Variants in TSPEAR observed in about 807,000 individuals in gnomAD.
The protein encoded by TSPEAR is thrombospondin type laminin G domain and EAR repeats.
A neutral mutation model predicts 71.6 loss-of-function variants in TSPEAR; 69 were observed. The ratio of observed to expected loss-of-function variants is 0.96; its 90% CI spans 0.79 to 1.18. The LOEUF (loss-of-function observed/expected upper bound fraction) is 1.18, where lower values mean the gene tolerates loss of function less well. Among genes scored for constraint, TSPEAR ranks in the 50% most tolerant of loss-of-function variants. The probability of loss-of-function intolerance (pLI) is 0.00; values close to 1 mark genes in which losing one functional copy is unlikely to be tolerated. For missense variants in TSPEAR, 971 were observed against 894.9 expected (o/e 1.09, Z -1.09); for synonymous variants, 402 against 387.2 (o/e 1.04, Z -0.45).
At position 44,696,776 on chromosome 21, in the gene TSPEAR, G is replaced by A. The variant is rs560872923; in HGVS notation, c.82+14657C>T. On this transcript the variant is annotated intron_variant, in intron 1 of 11. Coordinates refer to ENST00000323084, the MANE Select transcript of TSPEAR (RefSeq NM_144991.3). ...ACCTTCTGTGGTCCACGCAGAGGCT[G>A]GGCTCCAGCCCATTGGCCGGCTCCC... Among the ~76,000 whole-genome samples the A allele has an allele frequency of 7.2e-5, 11 of 152,282 alleles. No homozygotes were observed. The South Asian group carries it at 2.3e-3, about 32-fold the overall frequency.
intron 1 of TSPEAR, among the ~76,000 whole-genome samples, chr21:44,589,846 G>A (rs940995867): frequency 5.9e-5 from 9 of 152,244 alleles, no homozygotes; most frequent in African/African-American, 1.7e-4. Context: ...GCTCAGACAC[G>A]CATGTGTGGG....
chr21:44,681,446 C>T (rs1432251733), intron 1 of TSPEAR: 9 of 176,056 alleles, frequency 5.1e-5, no homozygotes, highest in African/African-American at 7.1e-5. Flanking sequence ...GCCCTCCACC[C>T]GGGACACCAC....
rs372225052 is a variant in TSPEAR at position 44,527,463 on chromosome 21, C to G, written c.978G>C (p.Glu326Asp). 4 of 1,614,110 alleles carry G rather than the reference C, an allele frequency of 2.5e-6. No individual in the cohort carries two copies. The highest frequency in any genetic ancestry group is 3.4e-6 in the Non-Finnish European group (4 of 1,180,050). The change falls in exon 7 of 12, where the codon GAG (glutamate) becomes GAC (aspartate). Residue 326 changes from glutamate to aspartate, a missense_variant. Coordinates refer to ENST00000323084, the MANE Select transcript of TSPEAR (RefSeq NM_144991.3). The stretch of plus-strand genomic sequence containing the variant: ...TGCGGAACACCTCAATGCCCAGGGT[C>G]TCTGAGTTGGTGGACAAGTTCTGAT... ...EEHQNLSTNSETLGIEVFRIP... is the reference protein window; with the variant it reads ...EEHQNLSTNSDTLGIEVFRIP...
rs137912483 is a variant in TSPEAR at position 44,529,916 on chromosome 21, G to A, written c.672C>T (p.Asp224=). The A allele has an allele frequency of 3.3e-5, 53 of 1,610,256 alleles. No homozygotes were observed. The highest frequency in any genetic ancestry group is 4.0e-5 in the Non-Finnish European group (47 of 1,179,256). The change falls in exon 5 of 12, where the codon GAC becomes GAT. Residue 224 remains aspartate, a synonymous_variant. Coordinates refer to ENST00000323084, the MANE Select transcript of TSPEAR (RefSeq NM_144991.3). ...VRQLVLLPGS[D]ATPRLCPSRN... ...TGCTGGGACACAGCCTTGGGGTGGC[G>A]TCTGAGCCCGGCAGCAGGACCAGTT... is the stretch of plus-strand genomic sequence containing the variant.
intron 1 of TSPEAR, chr21:44,638,002 C>A: frequency 6.2e-7 from 1 of 1,613,854 alleles, no homozygotes; most frequent in Non-Finnish European, 8.5e-7. Flanking sequence ...TCCTCTGCCA[C>A]CCTGTGTGCA....
intron 1 of TSPEAR, among the ~76,000 whole-genome samples, chr21:44,582,282 T>C (rs781783391): frequency 9.1e-4 from 139 of 152,342 alleles, no homozygotes; most frequent in Non-Finnish European, 1.7e-3. Flanking sequence ...AGAGGACAGC[T>C]GGCCGGCAGT....
intron 1 of TSPEAR, among the ~76,000 whole-genome samples, chr21:44,576,671 T>G (rs1430087719): frequency 6.6e-6 from 1 of 152,196 alleles, no homozygotes; most frequent in African/African-American, 2.4e-5. Context: ...TCCCTTCACG[T>G]GAGCTGAGAA....
At chr21:44,558,191 G>C in intron 2 of TSPEAR, 1 of 1,552,174 alleles carries the variant, frequency 6.4e-7, no homozygotes, top group East Asian at 2.3e-5. Flanking sequence ...CACAGCAGGA[G>C]GGGATGGGCA....
intron 1 of TSPEAR, among the ~76,000 whole-genome samples, chr21:44,650,420 C>T (rs12626182): frequency 8.7e-5 from 13 of 149,426 alleles, no homozygotes; most frequent in South Asian, 2.1e-4. Context: ...CATGTGACGA[C>T]GGCGGCAGAG....
At chr21:44,640,847 G>A (rs2146227678) in intron 1 of TSPEAR, among the ~76,000 whole-genome samples, 1 of 152,338 alleles carries the variant, frequency 6.6e-6, no homozygotes, top group African/African-American at 2.4e-5. Context: ...TGGGCACTCA[G>A]TGGTCTTTAA....
intron 1 of TSPEAR, among the ~76,000 whole-genome samples, chr21:44,685,021 C>T (rs1555948722): frequency 1.3e-5 from 2 of 152,150 alleles, no homozygotes; most frequent in Non-Finnish European, 2.9e-5. Context: ...TAAGGTCACT[C>T]TCACATGGCC....
chr21:44,702,548 G>A (rs1987706817), intron 1 of TSPEAR: 1 of 1,610,016 alleles, frequency 6.2e-7, no homozygotes, highest in Non-Finnish European at 8.5e-7. Context: ...TCCTCCCTGT[G>A]CTGCCAGCAG....
intron 9 of TSPEAR, chr21:44,517,803 C>T (rs1555913661): frequency 4.2e-6 from 2 of 471,256 alleles, no homozygotes; most frequent in Non-Finnish European, 8.8e-6. Flanking sequence ...GATGGGAAAT[C>T]CCAGGCTGCC....
At chr21:44,665,329 G>A (rs1985695201) in intron 1 of TSPEAR, among the ~76,000 whole-genome samples, 1 of 152,220 alleles carries the variant, frequency 6.6e-6, no homozygotes, top group South Asian at 2.1e-4. Flanking sequence ...ATGCTATCTG[G>A]AATAGCAGAC....
chr21:44,541,464 C>T (rs587729042), intron 2 of TSPEAR, among the ~76,000 whole-genome samples: 19 of 152,182 alleles, frequency 1.2e-4, no homozygotes, highest in African/African-American at 3.6e-4. Flanking sequence ...TCGAAGGGGC[C>T]GGGAGGTATC....
Position 44,551,347 on chromosome 21 carries a change from C to T in TSPEAR, c.303+16438G>A, listed in dbSNP as rs1244891513. ...ACCAGGGTCAGGCAGGGGGCTGGGG[C>T]ACAGCAGCTGGGGGTGCCGCAGGGG... On this transcript the variant is annotated intron_variant, in intron 2 of 11. Transcript: ENST00000323084. 3 of 1,613,008 alleles carry T rather than the reference C, an allele frequency of 1.9e-6. No homozygotes were observed. The African/African-American group carries it at 4.0e-5, about 22-fold the overall frequency.
chr21:44,575,229 T>G, intron 1 of TSPEAR: 1 of 603,096 alleles, frequency 1.7e-6, no homozygotes. Context: ...GGCAGTGGCC[T>G]CCCCTCCATA....
chr21:44,618,550 T>C (rs148483266), intron 1 of TSPEAR, among the ~76,000 whole-genome samples: 4 of 152,302 alleles, frequency 2.6e-5, no homozygotes, highest in East Asian at 3.9e-4. Context: ...CAGAGCCCAA[T>C]AGGAGAACCT....
In TSPEAR at chr21:44,499,897, G is replaced by A; in HGVS notation, c.1896C>T (p.Leu632=). The A allele has an allele frequency of 6.2e-7, 1 of 1,607,908 alleles. No homozygotes were observed. Among genetic ancestry groups the A allele is most frequent in the Non-Finnish European group, 8.5e-7 (1 of 1,178,212 alleles). Residue 632 remains leucine (L), a synonymous_variant, in exon 12 of 12, where the codon CTC becomes CTT. Transcript: ENST00000323084. The part of the protein sequence containing the change: ...GYEGFVAVHS[L]PTVGCRDWEA... ...CCCAGTCCCTGCAGCCGACGGTGGG[G>A]AGGCTGTGCACCGCCACGAAGCCCT...
Sources: gnomAD v4.1 joint callset for allele counts (sites outside exome capture counted in the v4.1 genomes callset) on GRCh38, gnomAD v4.1.1 for gene constraint, MANE v1.5 for transcripts, NCBI Gene and HGNC (gene_info 2026-07-23, HGNC 2026-07-21) for gene names.